ARHGEF3: variants seen among roughly 807,000 people sequenced by gnomAD.
ARHGEF3 encodes the protein 59.8 kDA protein.
ARHGEF3 carries 28 observed loss-of-function variants against 63.2 expected under a neutral mutation model. That is an observed-to-expected ratio of 0.44 (90% CI 0.33 to 0.61). The LOEUF is 0.61. ARHGEF3 is among the 20% of genes least tolerant of loss of function. ARHGEF3 has a pLI of 0.03. For synonymous variants in ARHGEF3, 266 were observed against 254.2 expected (o/e 1.05, Z -0.44); for missense variants, 533 against 659.3 (o/e 0.81, Z 2.10).
At chr3:56,968,241 T>TA (rs1700727013) in intron 2 of ARHGEF3, among the ~76,000 whole-genome samples, 41 of 47,106 alleles carry the variant, frequency 8.7e-4, no homozygotes, top group Non-Finnish European at 1.4e-3. Flanking sequence ...TATAAATATA[T>TA]ATATTAATAT....
At chr3:56,845,430 C>A (rs377689830) in intron 4 of ARHGEF3, among the ~76,000 whole-genome samples, 5 of 152,174 alleles carry the variant, frequency 3.3e-5, no homozygotes, top group African/African-American at 1.2e-4. Flanking sequence ...GTCTCACCAG[C>A]AATGAGGGAC....
At chr3:56,945,198 G>T (rs547687731) in intron 3 of ARHGEF3, among the ~76,000 whole-genome samples, 1 of 152,176 alleles carries the variant, frequency 6.6e-6, no homozygotes, top group African/African-American at 2.4e-5. Context: ...GAGTGATGCA[G>T]AAGACGGGTG....
chr3:56,822,053 G>T (rs2038527581), intron 4 of ARHGEF3, among the ~76,000 whole-genome samples: 1 of 151,940 alleles, frequency 6.6e-6, no homozygotes, highest in Non-Finnish European at 1.5e-5. Flanking sequence ...GAAAAGAAAA[G>T]AATCTAAAAG....
chr3:56,931,713 T>G (rs1250991642), intron 3 of ARHGEF3, among the ~76,000 whole-genome samples: 1 of 152,140 alleles, frequency 6.6e-6, no homozygotes, highest in African/African-American at 2.4e-5. Context: ...TTTTCTCTGA[T>G]TTTTCCAAAG....
intron 2 of ARHGEF3, among the ~76,000 whole-genome samples, chr3:56,994,081 A>AAAAAAAAAAAAAAAAAAAAAC (rs1701880412): frequency 6.7e-6 from 1 of 148,722 alleles, no homozygotes; most frequent in Non-Finnish European, 1.5e-5. Context: ...AAAAAAAAAA[A>AAAAAAAAAAAAAAAAAAAAAC]AAAAGCACAC....
intron 1 of ARHGEF3, among the ~76,000 whole-genome samples, chr3:57,045,885 G>A (rs1409713040): frequency 6.6e-6 from 1 of 152,186 alleles, no homozygotes; most frequent in Non-Finnish European, 1.5e-5. Flanking sequence ...CAGGGCATTT[G>A]TTTAAATGAG....
rs543772714 is a variant in ARHGEF3, at chr3:56,864,634, C to G, written c.192+17658G>C. Among the ~76,000 whole-genome samples the G allele has an allele frequency of 7.1e-4, 108 of 152,262 alleles. No individual in the cohort carries two copies. In the South Asian group the frequency reaches 0.021, roughly 30 times the overall value. On this transcript the variant is annotated intron_variant, in intron 4 of 12. Transcript: ENST00000338458. ...CACCATGTTATTCTCTTACCACCAA[C>G]CAACACAGCGTGACTATAGGAGATG...
chr3:56,988,196 G>A (rs1701615251), intron 2 of ARHGEF3, among the ~76,000 whole-genome samples: 1 of 152,196 alleles, frequency 6.6e-6, no homozygotes, highest in Non-Finnish European at 1.5e-5. Context: ...CCAGGCAGGG[G>A]AGTGCAGTGG....
chr3:56,916,425 G>A (rs1315227770), intron 3 of ARHGEF3: 2 of 1,469,038 alleles, frequency 1.4e-6, no homozygotes, highest in Non-Finnish European at 1.8e-6. Flanking sequence ...GAACAGGGCT[G>A]AGCATAGTTT....
At chr3:56,770,164 G>T (rs1468862654) in intron 2 of ARHGEF3, among the ~76,000 whole-genome samples, 1 of 152,148 alleles carries the variant, frequency 6.6e-6, no homozygotes, top group African/African-American at 2.4e-5. Context: ...TGTAATCCCA[G>T]CACTTTGGGA....
Position 57,068,331 on chromosome 3 carries a change from G to T in ARHGEF3, c.-28+10895C>A, listed in dbSNP as rs541926903. Among the ~76,000 whole-genome samples the T allele has an allele frequency of 2.3e-4, 35 of 152,136 alleles. No homozygotes were observed. In the South Asian group the frequency reaches 7.0e-3, roughly 31 times the overall value. ...CTTATCTCACTCTAAAAGGTAATAC[G>T]TTCATTTTCTTCATTAGCATTTATT... On this transcript the variant is annotated intron_variant, in intron 1 of 12. Coordinates refer to the ARHGEF3 transcript ENST00000338458.
intron 2 of ARHGEF3, among the ~76,000 whole-genome samples, chr3:56,994,639 G>C (rs1701902386): frequency 6.6e-6 from 1 of 151,778 alleles, no homozygotes; most frequent in South Asian, 2.1e-4. Flanking sequence ...CAAGATACTA[G>C]CAACGGTATG....
At chr3:56,934,252 AG>A (rs35044531) in intron 3 of ARHGEF3, among the ~76,000 whole-genome samples, 1 of 152,242 alleles carries the variant, frequency 6.6e-6, no homozygotes. Context: ...TAGTAGTAGC[AG>A]GGATGGAGAG....
upstream of ARHGEF3, chr3:56,801,957 G>C (rs752818452): frequency 6.5e-7 from 1 of 1,531,258 alleles, no homozygotes; most frequent in East Asian, 2.5e-5. Context: ...ACTGGGCTCC[G>C]GAGCCGAGTG....
intron 4 of ARHGEF3, among the ~76,000 whole-genome samples, chr3:56,817,943 C>T (rs534818773): frequency 1.3e-5 from 2 of 152,270 alleles, no homozygotes; most frequent in South Asian, 4.1e-4. Flanking sequence ...GGTTTTGGTC[C>T]CTGTTTACCC....
intron 6 of ARHGEF3, among the ~76,000 whole-genome samples, chr3:56,749,811 C>A (rs971929276): frequency 7.9e-5 from 12 of 152,046 alleles, no homozygotes; most frequent in African/African-American, 2.9e-4. Flanking sequence ...CTAAAATTGA[C>A]TCCTGAACTA....
intron 1 of ARHGEF3, among the ~76,000 whole-genome samples, chr3:56,778,528 T>G (rs1247559549): frequency 1.3e-5 from 2 of 152,222 alleles, no homozygotes; most frequent in Non-Finnish European, 2.9e-5. Context: ...ATTTCATAGT[T>G]TTCATGTCAC....
At chr3:56,999,324 T>C (rs1272656172) in intron 2 of ARHGEF3, among the ~76,000 whole-genome samples, 2 of 152,186 alleles carry the variant, frequency 1.3e-5, no homozygotes, top group South Asian at 2.1e-4. Context: ...GTTCTGAGAT[T>C]ACAAGCATGA....
At chr3:56,893,040 A>G (rs187925918) in intron 3 of ARHGEF3, among the ~76,000 whole-genome samples, 2 of 152,358 alleles carry the variant, frequency 1.3e-5, no homozygotes, top group Admixed American at 1.3e-4. Context: ...TCCTTTAAAT[A>G]AACAAAAGGT....
Sources: allele counts gnomAD v4.1 joint callset (sites outside exome capture counted in the v4.1 genomes callset), GRCh38; gene constraint gnomAD v4.1.1; transcripts MANE v1.5; gene names NCBI Gene and HGNC (gene_info 2026-07-23, HGNC 2026-07-21).